The following MAPK4 variants were observed in gnomAD, a reference collection of about 807,000 sequenced individuals.
MAPK4 encodes mitogen-activated protein kinase 4, also known as Erk3-related.
In MAPK4, 22 loss-of-function variants were observed where a neutral mutation model predicts 47.7. The observed-to-expected ratio is 0.46, with a 90% CI of 0.33 to 0.66. The LOEUF (loss-of-function observed/expected upper bound fraction) is 0.66, where lower values mean the gene tolerates loss of function less well. Ranked by LOEUF, MAPK4 falls within the 30% of genes least tolerant of loss-of-function variation. The probability of loss-of-function intolerance (pLI) is 0.02; values close to 1 mark genes in which losing one functional copy is unlikely to be tolerated. For synonymous variants in MAPK4, 390 were observed against 365.7 expected (o/e 1.07, Z -0.76); for missense variants, 736 against 831.7 (o/e 0.88, Z 1.42).
At chr18:50,618,199 C>G (rs1175889724) in intron 1 of MAPK4, among the ~76,000 whole-genome samples, 1 of 152,166 alleles carries the variant, frequency 6.6e-6, no homozygotes, top group African/African-American at 2.4e-5. Flanking sequence ...ACCTACTGAG[C>G]TCTCCCATCA....
chr18:50,617,222 A>G (rs1054531556), intron 1 of MAPK4, among the ~76,000 whole-genome samples: 1 of 66,376 alleles, frequency 1.5e-5, no homozygotes, highest in Admixed American at 1.9e-4. Context: ...TTGCAGGTAA[A>G]ACAATTTGAA....
intron 1 of MAPK4, among the ~76,000 whole-genome samples, chr18:50,660,283 C>CT (rs1294457095): frequency 6.6e-6 from 1 of 152,186 alleles, no homozygotes; most frequent in Non-Finnish European, 1.5e-5. Flanking sequence ...CACTGAAACT[C>CT]TAAGAGAGGC....
chr18:50,711,751 T>C (rs1222130208), intron 2 of MAPK4, among the ~76,000 whole-genome samples: 1 of 152,222 alleles, frequency 6.6e-6, no homozygotes, highest in African/African-American at 2.4e-5. Flanking sequence ...GAGATTTTTT[T>C]TGAGCCAATA....
chr18:50,705,852 C>T (rs1910023144), intron 2 of MAPK4: 1 of 152,204 alleles, frequency 6.6e-6, no homozygotes, highest in Admixed American at 6.5e-5. Context: ...TGCTTTATTT[C>T]CATTCCTTGC....
chr18:50,584,414 C>T (rs968072395), intron 1 of MAPK4, among the ~76,000 whole-genome samples: 31 of 151,956 alleles, frequency 2.0e-4, no homozygotes, highest in African/African-American at 7.5e-4. Flanking sequence ...TAGGGCATGT[C>T]TCATGTTCTT....
intron 5 of MAPK4, among the ~76,000 whole-genome samples, chr18:50,728,230 A>AC (rs900957280): frequency 4.6e-4 from 70 of 152,242 alleles, no homozygotes; most frequent in African/African-American, 1.6e-3. Flanking sequence ...TAGGTAGAGC[A>AC]CCCGCACAAG....
chr18:50,667,842 A>G (rs1211621936), intron 2 of MAPK4, among the ~76,000 whole-genome samples: 2 of 152,172 alleles, frequency 1.3e-5, no homozygotes, highest in African/African-American at 4.8e-5. Flanking sequence ...TTCAGTGGAC[A>G]CCAGCTGGGT....
At position 50,608,136 on chromosome 18, in the gene MAPK4, T is replaced by G. The variant is rs117615212; in HGVS notation, c.-871+47893T>G. 2.5e-4 allele frequency among the ~76,000 whole-genome samples: 38 copies of G among 152,362 alleles called. No individual in the cohort carries two copies. In the East Asian group the frequency reaches 7.1e-3, roughly 29 times the overall value. On this transcript the variant is annotated intron_variant, in intron 1 of 5. Coordinates refer to ENST00000400384, the MANE Select transcript of MAPK4 (RefSeq NM_002747.4). ...TGCCCGTTGGAAACCAGGATTTACT[T>G]GATACTTGAAAATATAACTGTTTTG...
At chr18:50,717,981 AG>A (rs1910729898) in intron 3 of MAPK4, among the ~76,000 whole-genome samples, 2 of 152,328 alleles carry the variant, frequency 1.3e-5, no homozygotes, top group South Asian at 4.1e-4. Context: ...GTGAGGAGGC[AG>A]GGGGAGAAAG....
chr18:50,562,411 T>C (rs1598771484), intron 1 of MAPK4, among the ~76,000 whole-genome samples: 2 of 51,378 alleles, frequency 3.9e-5, no homozygotes, highest in South Asian at 9.9e-4. Context: ...TTCTGCATTT[T>C]GGCCAATAAA....
At chr18:50,561,956 C>A (rs2042157407) in intron 1 of MAPK4, among the ~76,000 whole-genome samples, 2 of 152,282 alleles carry the variant, frequency 1.3e-5, no homozygotes, top group East Asian at 3.9e-4. Context: ...TGGAGACAGA[C>A]AAAAAGACAC....
intron 1 of MAPK4, among the ~76,000 whole-genome samples, chr18:50,573,491 A>G (rs541604654): frequency 2.0e-5 from 3 of 152,312 alleles, no homozygotes; most frequent in African/African-American, 7.2e-5. Flanking sequence ...TGGGGGATCT[A>G]AGTTACATGC....
intron 2 of MAPK4, among the ~76,000 whole-genome samples, chr18:50,677,361 A>G (rs962419786): frequency 6.6e-6 from 1 of 152,214 alleles, no homozygotes; most frequent in Non-Finnish European, 1.5e-5. Context: ...GTTTTATCAC[A>G]GTAACCTTTT....
intron 1 of MAPK4, among the ~76,000 whole-genome samples, chr18:50,567,077 A>G (rs1048751476): frequency 2.6e-5 from 4 of 151,692 alleles, no homozygotes; most frequent in African/African-American, 9.7e-5. Context: ...TCTTTCCACA[A>G]TGTCAGAGTT....
intron 2 of MAPK4, among the ~76,000 whole-genome samples, chr18:50,707,350 A>G (rs560393198): frequency 6.6e-6 from 1 of 152,252 alleles, no homozygotes; most frequent in Non-Finnish European, 1.5e-5. Flanking sequence ...CAGGTGGATC[A>G]CTTGAGCTCA....
chr18:50,596,992 T>C (rs2042487841), intron 1 of MAPK4, among the ~76,000 whole-genome samples: 1 of 152,234 alleles, frequency 6.6e-6, no homozygotes, highest in Non-Finnish European at 1.5e-5. Context: ...TCTTAAGTGT[T>C]CAATTTAAAA....
chr18:50,559,760 G>A (rs2042134569), upstream of MAPK4, among the ~76,000 whole-genome samples: 1 of 151,914 alleles, frequency 6.6e-6, no homozygotes, highest in Admixed American at 6.5e-5. Context: ...CGGCGGGCGT[G>A]AGGAAGGGCT....
intron 1 of MAPK4, among the ~76,000 whole-genome samples, chr18:50,578,890 G>C (rs1296324356): frequency 6.6e-6 from 1 of 152,202 alleles, no homozygotes; most frequent in Non-Finnish European, 1.5e-5. Context: ...TGTCTGGGAG[G>C]AATCTTGGAA....
chr18:50,701,935 C>T (rs1027776850), intron 2 of MAPK4, among the ~76,000 whole-genome samples: 7 of 152,098 alleles, frequency 4.6e-5, no homozygotes, highest in East Asian at 3.9e-4. Flanking sequence ...GCAGGTGGAT[C>T]GAATCACTTG....
Sources: gnomAD v4.1 joint callset for allele counts (sites outside exome capture counted in the v4.1 genomes callset) on GRCh38, gnomAD v4.1.1 for gene constraint, MANE v1.5 for transcripts, NCBI Gene and HGNC (gene_info 2026-07-23, HGNC 2026-07-21) for gene names.